TTC28: variants seen among roughly 807,000 people sequenced by gnomAD.
The protein encoded by TTC28 is tetratricopeptide repeat domain 28.
A neutral mutation model predicts 198.0 loss-of-function variants in TTC28; 61 were observed. The ratio of observed to expected loss-of-function variants is 0.31; its 90% CI spans 0.25 to 0.38. TTC28 has a LOEUF of 0.38. Ranked by LOEUF, TTC28 falls within the 10% of genes least tolerant of loss-of-function variation. The probability of loss-of-function intolerance (pLI) is 1.00; values close to 1 mark genes in which losing one functional copy is unlikely to be tolerated. For missense variants in TTC28, 2,678 were observed against 3,164.0 expected, an observed-to-expected ratio of 0.85 and a Z score of 3.69; for synonymous variants, 1,171 against 1,297.8, an observed-to-expected ratio of 0.90 and a Z score of 2.10.
At chr22:28,164,451 A>G (rs939823522) in intron 5 of TTC28, among the ~76,000 whole-genome samples, 2 of 152,200 alleles carry the variant, frequency 1.3e-5, no homozygotes, top group Non-Finnish European at 2.9e-5. Flanking sequence ...CAAAACTTCC[A>G]GAGGAACGAT....
chr22:28,655,040 T>A (rs913438960), intron 1 of TTC28, among the ~76,000 whole-genome samples: 2 of 152,200 alleles, frequency 1.3e-5, no homozygotes, highest in Non-Finnish European at 2.9e-5. Flanking sequence ...AACCTCAATA[T>A]CTTTTCCTAT....
intron 12 of TTC28, among the ~76,000 whole-genome samples, chr22:28,072,378 A>G (rs942582061): frequency 2.6e-5 from 4 of 152,204 alleles, no homozygotes; most frequent in African/African-American, 7.2e-5. Context: ...AAATGCAGAC[A>G]TAAGGCATGA....
chr22:28,239,264 CT>C (rs1420091411), intron 5 of TTC28, among the ~76,000 whole-genome samples: 1 of 152,134 alleles, frequency 6.6e-6, no homozygotes, highest in East Asian at 1.9e-4. Flanking sequence ...CTACAATCTT[CT>C]TTGTCCAATA....
rs754294343 is a variant in TTC28, at chr22:27,982,768, G to A, written c.6899C>T (p.Ser2300Phe). 1.3e-6 allele frequency: 2 copies of A among 1,550,230 alleles called. No individual in the cohort carries two copies. The highest frequency in any genetic ancestry group is 1.7e-6 in the Non-Finnish European group (2 of 1,145,958). ...TGGGGACATGTTCCTTGGTGATTTG[G>A]AAATGTGAGCGCTGTAAGGAGAGCT... ...YPSSPYSAHI[S>F]KSPRNMSPSS... The change falls in exon 23 of 23, where the codon TCC becomes TTC. Residue 2300 changes from serine to phenylalanine, a missense_variant. This residue lies in a region of TTC28 where 622 missense variants were observed against 656.0 expected (regional missense o/e 0.95). Coordinates refer to ENST00000397906, the MANE Select transcript of TTC28 (RefSeq NM_001145418.2). The surrounding 1 kb of genome is among the most constrained non-coding windows in gnomAD (Gnocchi z 5.2).
intron 5 of TTC28, among the ~76,000 whole-genome samples, chr22:28,270,560 C>T (rs538619614): frequency 2.0e-5 from 3 of 152,134 alleles, no homozygotes; most frequent in South Asian, 4.2e-4. Flanking sequence ...TTTAAAGTAG[C>T]TTTAATATGT....
rs532525812 is a variant in TTC28 at position 28,558,043 on chromosome 22, T to TA, written c.381+71508_381+71509insT. On this transcript the variant is annotated intron_variant, in intron 2 of 22. Transcript: ENST00000397906. Reference sequence around the variant, plus strand: ...TTGTCATCGTTTTTATTTTGATTTTTTTACTTTTGATAAACATTGTATAAT... The same window carrying TA: ...TTGTCATCGTTTTTATTTTGATTTTTATTACTTTTGATAAACATTGTATAAT... Among the ~76,000 whole-genome samples the TA allele has an allele frequency of 1.5e-4, 23 of 152,350 alleles. No individual in the cohort carries two copies. In the East Asian group the frequency reaches 4.2e-3, roughly 28 times the overall value.
chr22:28,297,110 G>C (rs574886145), intron 4 of TTC28, among the ~76,000 whole-genome samples: 1 of 152,284 alleles, frequency 6.6e-6, no homozygotes, highest in African/African-American at 2.4e-5. Flanking sequence ...CACATCTCTT[G>C]GCCTTTTGGG....
chr22:28,608,876 T>C (rs1166596621), intron 2 of TTC28, among the ~76,000 whole-genome samples: 1 of 152,148 alleles, frequency 6.6e-6, no homozygotes, highest in Non-Finnish European at 1.5e-5. Flanking sequence ...AGAGTTAGTT[T>C]AGGAAAGTCA....
intron 12 of TTC28, among the ~76,000 whole-genome samples, chr22:28,058,477 A>G (rs546370953): frequency 6.6e-6 from 1 of 152,180 alleles, no homozygotes; most frequent in Admixed American, 6.5e-5. Flanking sequence ...AACCAGCCTT[A>G]TATTTCTGGG....
In TTC28 at chr22:28,107,906, G is replaced by C; in HGVS notation, c.1939C>G (p.Leu647Val). 6.4e-7 allele frequency: 1 copy of C among 1,551,732 alleles called. No individual in the cohort carries two copies. The highest frequency in any genetic ancestry group is 1.2e-5 in the South Asian group (1 of 84,066). Residue 647 changes from leucine (L) to valine (V), a missense_variant, in exon 7 of 23, where the codon CTT becomes GTT. Around this residue, in one of 8 missense-constraint regions of TTC28, gnomAD observed 775 missense variants for 845.9 expected, o/e 0.92. Coordinates refer to ENST00000397906, the MANE Select transcript of TTC28 (RefSeq NM_001145418.2). ...CHNLGYAHYC[L>V]GNYQEAVKYY... ...TTCACTGCCTCCTGATAGTTTCCAAGGCAGTAATGGGCATAGCCAAGATTG... is the reference window on the plus strand; with the variant it reads ...TTCACTGCCTCCTGATAGTTTCCAACGCAGTAATGGGCATAGCCAAGATTG...
intron 2 of TTC28, among the ~76,000 whole-genome samples, chr22:28,369,565 C>T (rs2046298914): frequency 6.6e-6 from 1 of 152,198 alleles, no homozygotes; most frequent in African/African-American, 2.4e-5. Flanking sequence ...GAGCATTGGT[C>T]ATGTTTTTAA....
At chr22:28,082,833 T>G (rs1941414567) in intron 12 of TTC28, among the ~76,000 whole-genome samples, 1 of 152,254 alleles carries the variant, frequency 6.6e-6, no homozygotes, top group African/African-American at 2.4e-5. Context: ...TAATTCTTCC[T>G]TAAATATTTG....
intron 5 of TTC28, among the ~76,000 whole-genome samples, chr22:28,219,462 C>T (rs933020542): frequency 2.0e-5 from 3 of 151,098 alleles, no homozygotes; most frequent in Admixed American, 6.6e-5. Context: ...GAGCCAAGAT[C>T]GCACCATTGC....
intron 2 of TTC28, among the ~76,000 whole-genome samples, chr22:28,496,594 C>T (rs1416255370): frequency 6.6e-6 from 1 of 152,036 alleles, no homozygotes; most frequent in East Asian, 1.9e-4. Flanking sequence ...GACTGCTTTT[C>T]ACCAATGCCA....
intron 6 of TTC28, among the ~76,000 whole-genome samples, chr22:28,149,149 C>T (rs944264479): frequency 1.3e-5 from 2 of 152,126 alleles, no homozygotes. Context: ...AGGCTACAAA[C>T]CTGTACAGCA....
At chr22:28,630,095 T>TTC (rs1435112797) in intron 1 of TTC28, among the ~76,000 whole-genome samples, 1 of 152,062 alleles carries the variant, frequency 6.6e-6, no homozygotes, top group Non-Finnish European at 1.5e-5. Context: ...AGCCCCTCTC[T>TTC]CTCTCTTGCT....
At chr22:28,022,022 G>C (rs1569087721) in intron 13 of TTC28, among the ~76,000 whole-genome samples, 1 of 152,228 alleles carries the variant, frequency 6.6e-6, no homozygotes, top group Non-Finnish European at 1.5e-5. Flanking sequence ...TGTGACTAAT[G>C]AGTAAACAAA....
chr22:28,270,854 C>T (rs1007524119), intron 5 of TTC28, among the ~76,000 whole-genome samples: 1 of 152,002 alleles, frequency 6.6e-6, no homozygotes, highest in Admixed American at 6.6e-5. Flanking sequence ...GGCAACATAG[C>T]GAGACTCTTG....
intron 12 of TTC28, among the ~76,000 whole-genome samples, chr22:28,051,162 T>G (rs550363259): frequency 6.6e-6 from 1 of 152,292 alleles, no homozygotes; most frequent in African/African-American, 2.4e-5. Flanking sequence ...CTTTTAAAAT[T>G]ATTCCCTATT....
Sources: gnomAD v4.1 joint callset for allele counts (sites outside exome capture counted in the v4.1 genomes callset) on GRCh38, gnomAD v4.1.1 for gene constraint, gnomAD v4.1.1 regional missense constraint, Gnocchi (gnomAD v3.1) non-coding constraint, MANE v1.5 for transcripts, NCBI Gene and HGNC (gene_info 2026-07-23, HGNC 2026-07-21) for gene names.